The following ZNF35 variants were observed in gnomAD, a reference collection of about 807,000 sequenced individuals.
ZNF35 encodes the protein zinc finger protein 35 (clone HF.10).
A neutral mutation model predicts 45.9 loss-of-function variants in ZNF35; 31 were observed. That is an observed-to-expected ratio of 0.68 (90% CI 0.51 to 0.91). The LOEUF (loss-of-function observed/expected upper bound fraction) is 0.91, where lower values mean the gene tolerates loss of function less well. Among genes scored for constraint, ZNF35 ranks in the 40% least tolerant of loss-of-function variants. The probability of loss-of-function intolerance (pLI) is 0.00; values close to 1 mark genes in which losing one functional copy is unlikely to be tolerated. For synonymous variants in ZNF35, 205 were observed against 220.2 expected (o/e 0.93, Z 0.61); for missense variants, 515 against 625.4 (o/e 0.82, Z 1.88).
chr3:44,652,041 C>G lies in ZNF35; in HGVS notation c.193-516C>G, dbSNP rs558839996. Among the ~76,000 whole-genome samples the G allele has an allele frequency of 1.1e-4, 17 of 152,126 alleles. 1 individual carries two copies. The highest frequency in any genetic ancestry group is 7.7e-4 in the East Asian group (4 of 5,170). On this transcript the variant is annotated intron_variant, in intron 2 of 3. Transcript: ENST00000396056. Reference sequence around the variant, plus strand: ...TGGGGGTGGTCTGAGATTCTGTGTTCTTTGTTTGTTTGTTTTGCAAGCTTC... The same window carrying G: ...TGGGGGTGGTCTGAGATTCTGTGTTGTTTGTTTGTTTGTTTTGCAAGCTTC...
intron 3 of ZNF35, among the ~76,000 whole-genome samples, chr3:44,654,223 G>A (rs552024008): frequency 6.6e-6 from 1 of 152,296 alleles, no homozygotes; most frequent in South Asian, 2.1e-4. Flanking sequence ...CCAAGACTTA[G>A]TATTTTGTGC....
Position 44,659,199 on chromosome 3 carries a change from T to C in ZNF35, c.836T>C (p.Val279Ala). The stretch of plus-strand genomic sequence containing the variant: ...ATCCACACTGGACAGAAACCTTATG[T>C]TTGCTCAAAATGTGGGAAAGCCTTC... ...QRIHTGQKPY[V>A]CSKCGKAFTQ... Residue 279 changes from valine (V) to alanine (A), a missense_variant, in exon 4 of 4, where the codon GTT (valine) becomes GCT (alanine). Val to Ala is a moderately conservative substitution (Grantham distance 64). Transcript: ENST00000396056. The surrounding 1 kb of genome is among the most constrained non-coding windows in gnomAD (Gnocchi z 4.3). 1.2e-6 allele frequency: 2 copies of C among 1,613,998 alleles called. No homozygotes were observed. The highest frequency in any genetic ancestry group is 1.7e-6 in the Non-Finnish European group (2 of 1,180,008).
intron 3 of ZNF35, among the ~76,000 whole-genome samples, chr3:44,654,699 TTTA>T (rs1381655099): frequency 6.6e-6 from 1 of 152,212 alleles, no homozygotes; most frequent in Non-Finnish European, 1.5e-5. Context: ...AGTTTATTCA[TTTA>T]AAAACCAATT....
In ZNF35 at chr3:44,659,012, C is replaced by T; in HGVS notation, c.649C>T (p.Leu217Phe). The change falls in exon 4 of 4, where the codon CTT becomes TTT. Residue 217 changes from leucine to phenylalanine, a missense_variant. Physicochemically the swap from Leu to Phe is conservative, Grantham distance 22. This residue lies in a region of ZNF35 where 275 missense variants were observed against 295.7 expected (regional missense o/e 0.93). Transcript: ENST00000396056. The surrounding 1 kb of genome is among the most constrained non-coding windows in gnomAD (Gnocchi z 4.3). ...CGCTGTTAAAAATCCAAAAACCCAG[C>T]TTGGACAAAAGCCTTTTACGTGTAG... ...SGAVKNPKTQ[L>F]GQKPFTCSVC... The T allele has an allele frequency of 6.2e-7, 1 of 1,614,242 alleles. No individual in the cohort carries two copies. The highest frequency in any genetic ancestry group is 8.5e-7 in the Non-Finnish European group (1 of 1,180,044).
At chr3:44,651,599 G>A (rs1575513764) in intron 2 of ZNF35, among the ~76,000 whole-genome samples, 1 of 152,094 alleles carries the variant, frequency 6.6e-6, no homozygotes, top group Admixed American at 6.5e-5. Context: ...AGGCCAAGGC[G>A]GGAGGATCAC....
In ZNF35 at chr3:44,659,254, A is replaced by G. The variant is rs1480754091; in HGVS notation, c.891A>G (p.Gln297=). Residue 297 remains glutamine, a synonymous_variant, in exon 4 of 4, where the codon CAA becomes CAG. Coordinates refer to ENST00000396056, the MANE Select transcript of ZNF35 (RefSeq NM_003420.4). This position sits in a 1 kb window ranked among gnomAD's most constrained non-coding sequence, Gnocchi z 4.3. Reference sequence around the variant, plus strand: ...AGAGTTCAAATCTGACTGTACATCAAAAAATCCACTCCTTAGAAAAAACTT... The same window carrying G: ...AGAGTTCAAATCTGACTGTACATCAGAAAATCCACTCCTTAGAAAAAACTT... ...FTQSSNLTVH[Q]KIHSLEKTFK... 8 of 1,613,718 alleles carry G rather than the reference A, an allele frequency of 5.0e-6. No homozygotes were observed. The African/African-American group carries it at 9.3e-5, about 19-fold the overall frequency.
chr3:44,659,775 A>G lies in ZNF35; in HGVS notation c.1412A>G (p.Glu471Gly). The G allele has an allele frequency of 6.2e-7, 1 of 1,614,002 alleles. No individual in the cohort carries two copies. The highest frequency in any genetic ancestry group is 1.1e-5 in the South Asian group (1 of 91,070). Reference protein sequence around the residue: ...LLIHQRIHNGEKPYTCNECGK... With the variant: ...LLIHQRIHNGGKPYTCNECGK... ...ATTCATCAGAGAATTCATAATGGAGAAAAACCTTACACATGTAATGAGTGT... is the reference window on the plus strand; with the variant it reads ...ATTCATCAGAGAATTCATAATGGAGGAAAACCTTACACATGTAATGAGTGT... Residue 471 changes from glutamate to glycine, a missense_variant, in exon 4 of 4, where the codon GAA (glutamate) becomes GGA (glycine). Coordinates refer to ENST00000396056, the MANE Select transcript of ZNF35 (RefSeq NM_003420.4). The surrounding 1 kb of genome is among the most constrained non-coding windows in gnomAD (Gnocchi z 4.3).
chr3:44,651,108 G>C lies in ZNF35; in HGVS notation c.41G>C (p.Trp14Ser). 1 of 1,614,130 alleles carries C rather than the reference G, an allele frequency of 6.2e-7. No homozygotes were observed. The highest frequency in any genetic ancestry group is 1.1e-5 in the South Asian group (1 of 91,070). The change falls in exon 2 of 4, where the codon TGG becomes TCG. Residue 14 changes from tryptophan (W) to serine (S), a missense_variant. Trp to Ser is a radical substitution (Grantham distance 177, BLOSUM62 -3). Coordinates refer to ENST00000396056, the MANE Select transcript of ZNF35 (RefSeq NM_003420.4). ...AGAGAAGCCATGGCCCTAGCCCCAT[G>C]GGGCCCAGTGAAGGTGAAAAAGGAG... ...ELREAMALAP[W>S]GPVKVKKEEE... is the part of the protein sequence containing the mutation.
In ZNF35 at chr3:44,658,714, G is replaced by A; in HGVS notation, c.351G>A (p.Lys117=). 1 of 1,566,078 alleles carries A rather than the reference G, an allele frequency of 6.4e-7. No individual in the cohort carries two copies. The highest frequency in any genetic ancestry group is 8.6e-7 in the Non-Finnish European group (1 of 1,165,132). ...TTCTTGGTTCAGGTGCTGAAACCAA[G>A]AACCTACAGTTACTGGTTCCAAAAA... ...GTMNFLGAET[K]NLQLLVPKTE... Residue 117 remains lysine, a synonymous_variant, in exon 4 of 4, where the codon AAG becomes AAA. Coordinates refer to ENST00000396056, the MANE Select transcript of ZNF35 (RefSeq NM_003420.4).
chr3:44,658,372 GC>G (rs1703345896), intron 3 of ZNF35, among the ~76,000 whole-genome samples: 1 of 152,218 alleles, frequency 6.6e-6, no homozygotes, highest in African/African-American at 2.4e-5. Flanking sequence ...TGTTGCAAGG[GC>G]AGTCATCATA....
chr3:44,652,549 G>T lies in ZNF35; in HGVS notation c.193-8G>T. On this transcript the variant is annotated splice_region_variant and splice_polypyrimidine_tract_variant and intron_variant, in intron 2 of 3. Coordinates refer to ENST00000396056, the MANE Select transcript of ZNF35 (RefSeq NM_003420.4). The stretch of plus-strand genomic sequence containing the variant: ...TTCCCTCTTAAACATGTGCCTGCTT[G>T]TCTCTAGGGTCAGAACATATCCTGG... The T allele has an allele frequency of 6.4e-7, 1 of 1,564,576 alleles. No individual in the cohort carries two copies.
At chr3:44,648,123 T>C (rs2125833516), upstream of ZNF35, 1 of 152,230 alleles carries the variant, frequency 6.6e-6, no homozygotes, top group South Asian at 2.1e-4. Flanking sequence ...GTGAAACTGA[T>C]TTGAAAAAAA....
At chr3:44,650,054 A>C (rs1703159475) in intron 1 of ZNF35, among the ~76,000 whole-genome samples, 1 of 146,904 alleles carries the variant, frequency 6.8e-6, no homozygotes, top group African/African-American at 2.6e-5. Flanking sequence ...CTCCCATCTA[A>C]ACTGATAAGT....
At position 44,659,537 on chromosome 3, in the gene ZNF35, T is replaced by G; in HGVS notation, c.1174T>G (p.Cys392Gly). The G allele has an allele frequency of 6.2e-7, 1 of 1,614,014 alleles. No homozygotes were observed. Among genetic ancestry groups the G allele is most frequent in the Non-Finnish European group, 8.5e-7 (1 of 1,179,994 alleles). Residue 392 changes from cysteine (C) to glycine (G), a missense_variant, in exon 4 of 4, where the codon TGT (cysteine) becomes GGT (glycine). Physicochemically the swap from Cys to Gly is radical, Grantham distance 159 (BLOSUM62 -3). Transcript: ENST00000396056. This position sits in a 1 kb window ranked among gnomAD's most constrained non-coding sequence, Gnocchi z 4.3. ...CCATACTGGTGAGAAGCCATATGAG[T>G]GTAAAGAGTGTGGGAAAGCCTTTAG... Reference protein sequence around the residue: ...RSHTGEKPYECKECGKAFSCF... With the variant: ...RSHTGEKPYEGKECGKAFSCF...
upstream of ZNF35, chr3:44,647,219 T>G (rs925253604): frequency 6.6e-6 from 1 of 151,486 alleles, no homozygotes; most frequent in African/African-American, 2.4e-5. Context: ...GAAAAGATGT[T>G]CAACATCATT....
At position 44,659,989 on chromosome 3, in the gene ZNF35, T is replaced by C. The variant is rs1703374327; in HGVS notation, c.*42T>C. The C allele has an allele frequency of 6.7e-7, 1 of 1,503,540 alleles. No individual in the cohort carries two copies. The highest frequency in any genetic ancestry group is 2.3e-5 in the East Asian group (1 of 43,884). 93.1% of individuals were successfully genotyped at this position (1,503,540 alleles called of 1,614,324 possible). On this transcript the variant is annotated 3_prime_UTR_variant, in exon 4 of 4. Transcript: ENST00000396056. This position sits in a 1 kb window ranked among gnomAD's most constrained non-coding sequence, Gnocchi z 4.3. ...AGACCTCCAGCATTGGTCATAACCT[T>C]CTGCCTCCCTAATGAGACACCTCTT...
In ZNF35 at chr3:44,651,240, G is replaced by A. The variant is rs150693827; in HGVS notation, c.173G>A (p.Gly58Glu). Residue 58 changes from glycine to glutamate, a missense_variant, in exon 2 of 4, where the codon GGA (glycine) becomes GAA (glutamate). By Grantham distance (98) the Gly-to-Glu change is moderately conservative. Transcript: ENST00000396056. ...CAGGGTCTTCAGACAGGCCTTGATG[G>A]ATCAGAAGAGGAAGAAAAGGTAAAC... The part of the protein sequence containing the change: ...PVQGLQTGLD[G>E]SEEEEKGQNI... 5.6e-6 allele frequency: 9 copies of A among 1,612,628 alleles called. No homozygotes were observed. The highest frequency in any genetic ancestry group is 7.6e-6 in the Non-Finnish European group (9 of 1,179,594).
Position 44,659,599 on chromosome 3 carries a change from C to A in ZNF35, c.1236C>A (p.His412Gln). 6.2e-7 allele frequency: 1 copy of A among 1,614,040 alleles called. No homozygotes were observed. Among genetic ancestry groups the A allele is most frequent in the Non-Finnish European group, 8.5e-7 (1 of 1,179,978 alleles). ...FSHLIVHQRI[H>Q]TAEKPYDCSE... ...ACCTTATTGTGCACCAGAGAATTCA[C>A]ACTGCAGAGAAACCTTACGACTGCA... Residue 412 changes from histidine to glutamine, a missense_variant, in exon 4 of 4, where the codon CAC (histidine) becomes CAA (glutamine). Around this residue, in one of 3 missense-constraint regions of ZNF35, gnomAD observed 232 missense variants for 304.6 expected, o/e 0.76. Transcript: ENST00000396056. This position sits in a 1 kb window ranked among gnomAD's most constrained non-coding sequence, Gnocchi z 4.3.
intron 3 of ZNF35, among the ~76,000 whole-genome samples, chr3:44,654,675 G>C (rs1433325894): frequency 6.6e-6 from 1 of 152,048 alleles, no homozygotes; most frequent in Non-Finnish European, 1.5e-5. Context: ...TTTAATTAAT[G>C]TTGAATTTAT....
Sources: gnomAD v4.1 joint callset for allele counts (sites outside exome capture counted in the v4.1 genomes callset) on GRCh38, gnomAD v4.1.1 for gene constraint, gnomAD v4.1.1 regional missense constraint, Gnocchi (gnomAD v3.1) non-coding constraint, MANE v1.5 for transcripts, NCBI Gene and HGNC (gene_info 2026-07-23, HGNC 2026-07-21) for gene names.